WDR41: variants seen among roughly 807,000 people sequenced by gnomAD.
The protein encoded by WDR41 is WD repeat domain 41.
WDR41 carries 63 observed loss-of-function variants against 69.3 expected under a neutral mutation model. The observed-to-expected ratio is 0.91, with a 90% CI of 0.74 to 1.12. The LOEUF (loss-of-function observed/expected upper bound fraction) is 1.12, where lower values mean the gene tolerates loss of function less well. Among genes scored for constraint, WDR41 ranks in the 50% most tolerant of loss-of-function variants. The pLI is 0.00. For missense variants in WDR41, 543 were observed against 534.5 expected (o/e 1.02, Z -0.16); for synonymous variants, 185 against 192.1 (o/e 0.96, Z 0.31).
intron 1 of WDR41, among the ~76,000 whole-genome samples, chr5:77,594,683 G>A (rs546592630): frequency 4.8e-4 from 73 of 152,236 alleles, no homozygotes; most frequent in African/African-American, 1.7e-3. Flanking sequence ...AAACCAAACA[G>A]CCCAACCTTC....
intron 1 of WDR41, 31 bp from the exon 2 acceptor site, chr5:77,489,603 A>C: frequency 1.5e-6 from 2 of 1,343,316 alleles, no homozygotes; most frequent in Non-Finnish European, 2.1e-6. Context: ...AAAGCAAAAA[A>C]CAAAAGACAA....
chr5:77,617,491 A>G (rs1744699586), intron 1 of WDR41, among the ~76,000 whole-genome samples: 2 of 152,236 alleles, frequency 1.3e-5, no homozygotes, highest in Admixed American at 1.3e-4. Context: ...GTGAATAAAT[A>G]TGTTTATATT....
intron 1 of WDR41, among the ~76,000 whole-genome samples, chr5:77,522,949 A>G (rs1372109065): frequency 1.3e-5 from 2 of 152,320 alleles, no homozygotes; most frequent in South Asian, 2.1e-4. Flanking sequence ...TTGAAAAGGA[A>G]TACAAGCAAC....
chr5:77,593,077 G>C (rs1159956592), intron 1 of WDR41, among the ~76,000 whole-genome samples: 1 of 152,216 alleles, frequency 6.6e-6, no homozygotes, highest in African/African-American at 2.4e-5. Flanking sequence ...AGGAGCAAAA[G>C]CCCTGAGGTG....
intron 5 of WDR41, chr5:77,458,746 CA>C: frequency 5.2e-6 from 1 of 190,892 alleles, no homozygotes. Flanking sequence ...ATAAAGAAAA[CA>C]GACCAGCTAC....
At chr5:77,572,804 T>C (rs1433533558) in intron 1 of WDR41, among the ~76,000 whole-genome samples, 2 of 152,240 alleles carry the variant, frequency 1.3e-5, no homozygotes, top group Non-Finnish European at 2.9e-5. Flanking sequence ...AAAATACCTG[T>C]TATGGATTGA....
At chr5:77,475,474 G>A (rs1489802445) in intron 2 of WDR41, among the ~76,000 whole-genome samples, 6 of 152,190 alleles carry the variant, frequency 3.9e-5, no homozygotes, top group African/African-American at 1.4e-4. Flanking sequence ...CTGGAGATCT[G>A]ACAACGGGCA....
At position 77,444,034 on chromosome 5, in the gene WDR41, C is replaced by T. The variant is rs536879837; in HGVS notation, c.698-3037G>A. Among the ~76,000 whole-genome samples the T allele has an allele frequency of 5.9e-5, 9 of 151,504 alleles. No homozygotes were observed. In the East Asian group the frequency reaches 1.7e-3, roughly 29 times the overall value. On this transcript the variant is annotated intron_variant, in intron 8 of 12. Coordinates refer to ENST00000296679, the MANE Select transcript of WDR41 (RefSeq NM_018268.4). ...TAGCTGGGACTACAGGCATGTGACA[C>T]CACACCTGGCTAATTTTTGTATTTT...
intron 8 of WDR41, among the ~76,000 whole-genome samples, chr5:77,443,876 CTTTTTTTT>C (rs746105630): frequency 2.8e-4 from 29 of 105,016 alleles, no homozygotes; most frequent in Admixed American, 6.9e-4. Flanking sequence ...TCAATCAGCA[CTTTTTTTT>C]TTTTTTTTTT....
intron 1 of WDR41, among the ~76,000 whole-genome samples, chr5:77,558,680 A>G (rs57215662): frequency 0.14 from 22,042 of 152,182 alleles, 2,375 homozygotes; most frequent in African/African-American, 0.29. Flanking sequence ...ATGGTCCTTG[A>G]CATGTTTCTA....
intron 1 of WDR41, among the ~76,000 whole-genome samples, chr5:77,516,682 G>T (rs1375034800): frequency 6.6e-6 from 1 of 152,158 alleles, no homozygotes; most frequent in African/African-American, 2.4e-5. Context: ...ATTGATGAAG[G>T]GATGAAAAGA....
intron 2 of WDR41, among the ~76,000 whole-genome samples, chr5:77,469,069 G>C (rs974480670): frequency 3.3e-5 from 5 of 152,092 alleles, no homozygotes; most frequent in Non-Finnish European, 7.4e-5. Flanking sequence ...CCATAAAAAG[G>C]GATGAGTTCA....
At chr5:77,547,921 G>T (rs1275991938) in intron 1 of WDR41, among the ~76,000 whole-genome samples, 3 of 152,130 alleles carry the variant, frequency 2.0e-5, no homozygotes, top group Admixed American at 6.5e-5. Context: ...CATGGTACTG[G>T]TATAAAAATA....
intron 1 of WDR41, chr5:77,545,792 T>G (rs781175742): frequency 8.7e-5 from 87 of 1,004,956 alleles, no homozygotes; most frequent in Non-Finnish European, 1.1e-4. Flanking sequence ...GCCACGTCGG[T>G]CTGGGTGTTA....
intron 4 of WDR41, 54 bp downstream of exon 4, chr5:77,463,040 GT>G: frequency 6.3e-7 from 1 of 1,580,758 alleles, no homozygotes; most frequent in Non-Finnish European, 8.6e-7. Flanking sequence ...AATAGTGTAT[GT>G]AGTGGCTCCT....
intron 1 of WDR41, among the ~76,000 whole-genome samples, chr5:77,539,448 G>T (rs1169534051): frequency 6.6e-6 from 1 of 152,104 alleles, no homozygotes; most frequent in Admixed American, 6.5e-5. Flanking sequence ...GTAGGTCTGG[G>T]GTGGAGTGGG....
intron 1 of WDR41, among the ~76,000 whole-genome samples, chr5:77,620,019 G>A (rs1744750309): frequency 6.6e-6 from 1 of 151,966 alleles, no homozygotes; most frequent in Non-Finnish European, 1.5e-5. Context: ...CAAGAAATAA[G>A]CATATATATA....
intron 1 of WDR41, among the ~76,000 whole-genome samples, chr5:77,562,455 A>G (rs1344232772): frequency 6.6e-6 from 1 of 152,238 alleles, no homozygotes; most frequent in African/African-American, 2.4e-5. Context: ...GGAATATTTA[A>G]CACAAATACC....
At chr5:77,610,829 C>T (rs1221574961) in intron 1 of WDR41, among the ~76,000 whole-genome samples, 1 of 151,368 alleles carries the variant, frequency 6.6e-6, no homozygotes, top group African/African-American at 2.4e-5. Flanking sequence ...TGTAAATGGA[C>T]TAAATGCTCC....
Sources: gnomAD v4.1 joint callset for allele counts (sites outside exome capture counted in the v4.1 genomes callset) on GRCh38, gnomAD v4.1.1 for gene constraint, MANE v1.5 for transcripts, NCBI Gene and HGNC (gene_info 2026-07-23, HGNC 2026-07-21) for gene names.